LDLRAD3: variants seen among roughly 807,000 people sequenced by gnomAD.
LDLRAD3 encodes the protein low density lipoprotein receptor class A domain containing 3.
A neutral mutation model predicts 29.4 loss-of-function variants in LDLRAD3; 20 were observed. The ratio of observed to expected loss-of-function variants is 0.68; its 90% CI spans 0.48 to 0.99. LDLRAD3 has a LOEUF of 0.99. LDLRAD3 is among the 50% of genes least tolerant of loss of function. The pLI is 0.00. For missense variants in LDLRAD3, 420 were observed against 454.3 expected, an observed-to-expected ratio of 0.92 and a Z score of 0.69; for synonymous variants, 157 against 192.7, an observed-to-expected ratio of 0.81 and a Z score of 1.53.
chr11:36,146,899 C>T (rs1464861279), intron 4 of LDLRAD3, among the ~76,000 whole-genome samples: 1 of 151,108 alleles, frequency 6.6e-6, no homozygotes, highest in Non-Finnish European at 1.5e-5. Flanking sequence ...AAGTGATTCT[C>T]TCTCCTCAGC....
At chr11:36,069,895 C>T (rs542400757) in intron 2 of LDLRAD3, among the ~76,000 whole-genome samples, 2 of 152,150 alleles carry the variant, frequency 1.3e-5, no homozygotes, top group Admixed American at 6.5e-5. Flanking sequence ...GAATGAAAAA[C>T]GGAATGAGTA....
chr11:36,183,123 A>AGACGGTGG (rs1854788505), intron 4 of LDLRAD3, among the ~76,000 whole-genome samples: 1 of 152,198 alleles, frequency 6.6e-6, no homozygotes, highest in Non-Finnish European at 1.5e-5. Context: ...GGTGGGACGT[A>AGACGGTGG]GACGGTGGGA....
chr11:36,058,982 G>A (rs1363569842), intron 2 of LDLRAD3, among the ~76,000 whole-genome samples: 1 of 152,118 alleles, frequency 6.6e-6, no homozygotes, highest in Non-Finnish European at 1.5e-5. Flanking sequence ...TCACTCCCTG[G>A]ACTGGTCTTC....
At chr11:36,094,572 G>A (rs1433704846) in intron 3 of LDLRAD3, among the ~76,000 whole-genome samples, 1 of 152,122 alleles carries the variant, frequency 6.6e-6, no homozygotes, top group African/African-American at 2.4e-5. Context: ...GTCTCGCTCT[G>A]TCACCCCGGC....
intron 1 of LDLRAD3, among the ~76,000 whole-genome samples, chr11:36,020,256 T>C (rs1852079327): frequency 1.3e-5 from 2 of 152,048 alleles, no homozygotes; most frequent in Non-Finnish European, 2.9e-5. Flanking sequence ...GGAAAGAAAA[T>C]AATAATATGA....
chr11:36,140,909 C>T (rs575018755), intron 4 of LDLRAD3, among the ~76,000 whole-genome samples: 7 of 150,712 alleles, frequency 4.6e-5, no homozygotes, highest in South Asian at 4.2e-4. Flanking sequence ...TTGCCTTATC[C>T]GAAAGGTACT....
intron 4 of LDLRAD3, among the ~76,000 whole-genome samples, chr11:36,187,473 A>G (rs1281414961): frequency 1.3e-5 from 2 of 152,204 alleles, no homozygotes; most frequent in Non-Finnish European, 2.9e-5. Context: ...GGCACTACAT[A>G]GAGCACTGCC....
At position 36,148,662 on chromosome 11, in the gene LDLRAD3, C is replaced by G. The variant is rs142910959; in HGVS notation, c.454+50201C>G. The stretch of plus-strand genomic sequence containing the variant: ...TTGGGGTTTTCTGCAGTCTCAGACT[C>G]TGGGTCTTTGTATGACCCTTGGGAA... On this transcript the variant is annotated intron_variant, in intron 4 of 5. Transcript: ENST00000315571. Among the ~76,000 whole-genome samples the G allele has an allele frequency of 8.9e-3, 1,357 of 152,244 alleles. 8 individuals carry two copies. Among genetic ancestry groups the G allele is most frequent in the Middle Eastern group, 0.037 (11 of 294 alleles).
intron 1 of LDLRAD3, among the ~76,000 whole-genome samples, chr11:35,965,715 C>T (rs914194374): frequency 2.6e-5 from 4 of 152,112 alleles, no homozygotes; most frequent in African/African-American, 7.2e-5. Flanking sequence ...AGGTCTGTCT[C>T]ATTTAATGCT....
At chr11:35,984,899 G>A (rs1401120459) in intron 1 of LDLRAD3, among the ~76,000 whole-genome samples, 1 of 151,612 alleles carries the variant, frequency 6.6e-6, no homozygotes, top group East Asian at 1.9e-4. Flanking sequence ...CAAAGCACTG[G>A]GATTACAGGC....
chr11:36,127,982 T>C (rs375802391), intron 4 of LDLRAD3, among the ~76,000 whole-genome samples: 48 of 151,696 alleles, frequency 3.2e-4, no homozygotes, highest in African/African-American at 1.1e-3. Context: ...CTCCAGCTGT[T>C]TCCCCAAAGC....
In LDLRAD3 at chr11:36,053,532, T is replaced by C. The variant is rs144579211; in HGVS notation, c.193+17283T>C. Among the ~76,000 whole-genome samples, 16 of 152,234 alleles carry C rather than the reference T, an allele frequency of 1.1e-4. No homozygotes were observed. In the East Asian group the frequency reaches 3.1e-3, roughly 29 times the overall value. On this transcript the variant is annotated intron_variant, in intron 2 of 5. Coordinates refer to ENST00000315571, the MANE Select transcript of LDLRAD3 (RefSeq NM_174902.4). The stretch of plus-strand genomic sequence containing the variant: ...ACGGCTGGGTAAGTCTCGCCACCTG[T>C]CCAAGAAATAAACATAAGGATGTAT...
chr11:35,990,636 G>A (rs752705435), intron 1 of LDLRAD3, among the ~76,000 whole-genome samples: 13 of 151,384 alleles, frequency 8.6e-5, no homozygotes, highest in Non-Finnish European at 1.3e-4. Context: ...GGCTGGTCTC[G>A]AACTCCTGGC....
chr11:36,111,616 T>C (rs1256697664), intron 4 of LDLRAD3, among the ~76,000 whole-genome samples: 2 of 151,128 alleles, frequency 1.3e-5, no homozygotes, highest in African/African-American at 4.9e-5. Flanking sequence ...TTTTTCTTTC[T>C]CTGAGATGGA....
rs868065 is a variant in LDLRAD3, at chr11:36,188,152, G to A, written c.455-38933G>A. ...CCACATCGAGAAGAGATTGGTCACCGCAGCACAGGGCACGCAGAATTCCAT... is the reference window on the plus strand; with the variant it reads ...CCACATCGAGAAGAGATTGGTCACCACAGCACAGGGCACGCAGAATTCCAT... On this transcript the variant is annotated intron_variant, in intron 4 of 5. Transcript: ENST00000315571. Among the ~76,000 whole-genome samples the A allele has an allele frequency of 9.8e-3, 1,495 of 152,044 alleles. 28 individuals carry two copies. The highest frequency in any genetic ancestry group is 0.034 in the African/African-American group (1,426 of 41,462).
chr11:35,979,598 G>T (rs552772557), intron 1 of LDLRAD3, among the ~76,000 whole-genome samples: 12 of 152,322 alleles, frequency 7.9e-5, no homozygotes, highest in Admixed American at 2.0e-4. Flanking sequence ...CGAGCGTTGA[G>T]ACTGTCTGTC....
intron 4 of LDLRAD3, among the ~76,000 whole-genome samples, chr11:36,114,621 C>T (rs897840647): frequency 6.6e-6 from 1 of 152,286 alleles, no homozygotes; most frequent in African/African-American, 2.4e-5. Flanking sequence ...AGGACAGATG[C>T]CTTGTCCTCA....
chr11:36,165,535 A>G (rs894889494), intron 4 of LDLRAD3, among the ~76,000 whole-genome samples: 2 of 152,080 alleles, frequency 1.3e-5, no homozygotes, highest in Non-Finnish European at 2.9e-5. Flanking sequence ...CCAACATAGG[A>G]TATTATCATT....
chr11:36,064,327 G>C (rs1852755276), intron 2 of LDLRAD3, among the ~76,000 whole-genome samples: 3 of 151,938 alleles, frequency 2.0e-5, no homozygotes, highest in Admixed American at 2.0e-4. Flanking sequence ...TTTGAGACAG[G>C]ATCTCACTCT....
Sources: allele counts gnomAD v4.1 joint callset (sites outside exome capture counted in the v4.1 genomes callset), GRCh38; gene constraint gnomAD v4.1.1; transcripts MANE v1.5; gene names NCBI Gene and HGNC (gene_info 2026-07-23, HGNC 2026-07-21).